The following SLC22A23 variants were observed in gnomAD, a reference collection of about 807,000 sequenced individuals.
SLC22A23 encodes ion transporter protein.
A neutral mutation model predicts 61.0 loss-of-function variants in SLC22A23; 26 were observed. That is an observed-to-expected ratio of 0.43 (90% CI 0.31 to 0.59). The LOEUF is 0.59. Ranked by LOEUF, SLC22A23 falls within the 20% of genes least tolerant of loss-of-function variation. The pLI, the probability that SLC22A23 is intolerant of heterozygous loss-of-function variation, is 0.11. For missense variants in SLC22A23, 796 were observed against 934.7 expected (o/e 0.85, Z 1.94); for synonymous variants, 430 against 413.9 (o/e 1.04, Z -0.47).
rs1416183976 is a variant in SLC22A23 at position 3,297,374 on chromosome 6, C to G, written c.1210+717G>C. On this transcript the variant is annotated intron_variant, in intron 5 of 9. Transcript: ENST00000406686. The surrounding 1 kb of genome is among the most constrained non-coding windows in gnomAD (Gnocchi z 4.3). The stretch of plus-strand genomic sequence containing the variant: ...AGTGAGTCAGAGCTTGGGCCGAGAC[C>G]ACCAGTGATCTTCAAACGGAAATCT... Among the ~76,000 whole-genome samples, 1 of 152,164 alleles carries G rather than the reference C, an allele frequency of 6.6e-6. No homozygotes were observed. Among genetic ancestry groups the G allele is most frequent in the African/African-American group, 2.4e-5 (1 of 41,438 alleles).
At chr6:3,300,800 C>T (rs977926752) in intron 4 of SLC22A23, among the ~76,000 whole-genome samples, 1 of 152,192 alleles carries the variant, frequency 6.6e-6, no homozygotes, top group Admixed American at 6.5e-5. Flanking sequence ...GTTGTTCCCA[C>T]TGAATTCGGT....
intron 3 of SLC22A23, among the ~76,000 whole-genome samples, chr6:3,401,025 C>T (rs1195123800): frequency 1.3e-5 from 2 of 152,178 alleles, no homozygotes; most frequent in African/African-American, 2.4e-5. Context: ...GGAAATATAT[C>T]ACTAAATTGT....
intron 3 of SLC22A23, among the ~76,000 whole-genome samples, chr6:3,385,324 C>A (rs529432408): frequency 6.6e-6 from 1 of 152,138 alleles, no homozygotes; most frequent in Middle Eastern, 3.4e-3. Flanking sequence ...ACCAGCCTGG[C>A]CAACACAGCA....
chr6:3,275,598 C>CT (rs1016995321), intron 9 of SLC22A23, among the ~76,000 whole-genome samples: 8 of 152,006 alleles, frequency 5.3e-5, no homozygotes, highest in East Asian at 3.9e-4. Flanking sequence ...ATATAAAGAA[C>CT]TTTTTTTTGA....
intron 3 of SLC22A23, among the ~76,000 whole-genome samples, chr6:3,370,485 A>G (rs925339701): frequency 2.6e-5 from 4 of 152,250 alleles, no homozygotes; most frequent in African/African-American, 9.6e-5. Context: ...GTGTGCTGCA[A>G]CCTTGCAACC....
chr6:3,414,567 CAT>C lies in SLC22A23; in HGVS notation c.758+1183_758+1184del, dbSNP rs1769530239. ...GCTGGGTTTTGGAAGAAATTTTCCA[CAT>C]GTGTAATGTGACCCTCTGCTGCTGT... On this transcript the variant is annotated intron_variant, in intron 2 of 9. Coordinates refer to ENST00000406686, the MANE Select transcript of SLC22A23 (RefSeq NM_015482.2). The surrounding 1 kb of genome is among the most constrained non-coding windows in gnomAD (Gnocchi z 5.1). Among the ~76,000 whole-genome samples, 1 of 152,080 alleles carries C rather than the reference CAT, an allele frequency of 6.6e-6. No homozygotes were observed. The highest frequency in any genetic ancestry group is 1.5e-5 in the Non-Finnish European group (1 of 68,026).
chr6:3,284,639 G>A (rs1173251795), intron 8 of SLC22A23, among the ~76,000 whole-genome samples: 2 of 152,200 alleles, frequency 1.3e-5, no homozygotes, highest in African/African-American at 2.4e-5. Flanking sequence ...GGTGCAGGGC[G>A]GCACTGTGCT....
intron 1 of SLC22A23, among the ~76,000 whole-genome samples, chr6:3,449,398 A>C (rs1197423188): frequency 1.3e-5 from 2 of 152,216 alleles, no homozygotes; most frequent in Non-Finnish European, 2.9e-5. Flanking sequence ...ACTCGAGGAA[A>C]ATGGTTACAA....
rs555377851 is a variant in SLC22A23, at chr6:3,372,094, C to T, written c.913+38094G>A. On this transcript the variant is annotated intron_variant, in intron 3 of 9. Transcript: ENST00000406686. The surrounding 1 kb of genome is among the most constrained non-coding windows in gnomAD (Gnocchi z 4.7). ...GAACAGTTCCTAGCCCATGCTTAAA[C>T]AGCTAGAAGCATCCGTGCTGAGGCC... 2.6e-5 allele frequency among the ~76,000 whole-genome samples: 4 copies of T among 152,342 alleles called. No homozygotes were observed. The South Asian group carries it at 8.3e-4, about 32-fold the overall frequency.
chr6:3,374,030 C>A (rs1766399699), intron 3 of SLC22A23, among the ~76,000 whole-genome samples: 1 of 152,226 alleles, frequency 6.6e-6, no homozygotes, highest in South Asian at 2.1e-4. Flanking sequence ...CCCAAGGTCA[C>A]AAGGCTAGTT....
chr6:3,385,379 G>A (rs1767232153), intron 3 of SLC22A23, among the ~76,000 whole-genome samples: 1 of 152,082 alleles, frequency 6.6e-6, no homozygotes, highest in African/African-American at 2.4e-5. Context: ...AGCCGGGTGC[G>A]GTGGCCCATG....
At chr6:3,314,341 C>G (rs1762518426) in intron 4 of SLC22A23, among the ~76,000 whole-genome samples, 1 of 152,216 alleles carries the variant, frequency 6.6e-6, no homozygotes, top group Non-Finnish European at 1.5e-5. Context: ...TATGACTGGG[C>G]TGAGCAGGAG....
At chr6:3,403,351 GAA>G (rs893516163) in intron 3 of SLC22A23, among the ~76,000 whole-genome samples, 2 of 140,930 alleles carry the variant, frequency 1.4e-5, no homozygotes, top group South Asian at 2.2e-4. Flanking sequence ...TCCAGGTGTG[GAA>G]AAAAAAAAAA....
chr6:3,411,600 A>G lies in SLC22A23; in HGVS notation c.759-1258T>C, dbSNP rs372470331. Among the ~76,000 whole-genome samples, 40 of 151,556 alleles carry G rather than the reference A, an allele frequency of 2.6e-4. No homozygotes were observed. The East Asian group carries it at 5.0e-3, about 19-fold the overall frequency. On this transcript the variant is annotated intron_variant, in intron 2 of 9. Coordinates refer to ENST00000406686, the MANE Select transcript of SLC22A23 (RefSeq NM_015482.2). ...TGTGCACTTAAAATGGGTGGGTTTT[A>G]TGGGATGCAAATTATATGTCAATAA...
intron 4 of SLC22A23, among the ~76,000 whole-genome samples, chr6:3,306,319 T>C (rs551432244): frequency 6.6e-6 from 1 of 152,190 alleles, no homozygotes; most frequent in Middle Eastern, 3.4e-3. Context: ...CAACATGTGA[T>C]TTGGAAGGGA....
At chr6:3,296,490 G>A (rs952230916) in intron 5 of SLC22A23, among the ~76,000 whole-genome samples, 2 of 152,176 alleles carry the variant, frequency 1.3e-5, no homozygotes, top group Non-Finnish European at 2.9e-5. Context: ...TACACGTGAA[G>A]CACTTGGGGG....
At position 3,455,937 on chromosome 6, in the gene SLC22A23, C is replaced by T. The variant is rs977286147; in HGVS notation, c.623G>A (p.Arg208His). The T allele has an allele frequency of 5.3e-6, 8 of 1,521,982 alleles. No individual in the cohort carries two copies. In the South Asian group the frequency reaches 9.8e-5, roughly 19 times the overall value. The allele number at this position is 1,521,982 out of a possible 1,614,324, so 94.3% of individuals were successfully genotyped here. The change falls in exon 1 of 10, where the codon CGC (arginine) becomes CAC (histidine). Residue 208 changes from arginine (R) to histidine (H), a missense_variant. Physicochemically the swap from Arg to His is conservative, Grantham distance 29. Transcript: ENST00000406686. ...CDCRAWDYGI[R>H]AGLVQNVVSK... ...GACCACGTTCTGGACGAGGCCGGCG[C>T]GGATGCCGTAGTCCCATGCGCGGCA...
intron 4 of SLC22A23, among the ~76,000 whole-genome samples, chr6:3,302,412 TGTTA>T (rs1440944869): frequency 6.6e-6 from 1 of 152,206 alleles, no homozygotes; most frequent in Non-Finnish European, 1.5e-5. Context: ...TCTATGGTTT[TGTTA>T]GTCTCAATTT....
chr6:3,278,168 C>T (rs1402282378), intron 9 of SLC22A23, among the ~76,000 whole-genome samples: 2 of 152,172 alleles, frequency 1.3e-5, no homozygotes, highest in Admixed American at 6.5e-5. Context: ...TGTTTTGGAG[C>T]GATTGGTTAT....
Sources: allele counts gnomAD v4.1 joint callset (sites outside exome capture counted in the v4.1 genomes callset), GRCh38; gene constraint gnomAD v4.1.1; non-coding constraint Gnocchi (gnomAD v3.1); transcripts MANE v1.5; gene names NCBI Gene and HGNC (gene_info 2026-07-23, HGNC 2026-07-21).